Variants in COL5A2 observed in about 807,000 individuals in gnomAD.
COL5A2 encodes the protein collagen alpha-2(V) chain.
COL5A2 carries 23 observed loss-of-function variants against 208.2 expected under a neutral mutation model. That is an observed-to-expected ratio of 0.11 (90% confidence interval 0.08 to 0.16). COL5A2 has a LOEUF of 0.16. Ranked by LOEUF, COL5A2 falls within the 10% of genes least tolerant of loss-of-function variation. The pLI, the probability that COL5A2 is intolerant of heterozygous loss-of-function variation, is 1.00. For synonymous variants in COL5A2, 625 were observed against 628.5 expected (o/e 0.99, Z 0.08); for missense variants, 1,590 against 1,956.4 (o/e 0.81, Z 3.53).
the COL5A2 span, among the ~76,000 whole-genome samples, chr2:189,427,614 G>A: frequency 1.3e-5 from 2 of 152,308 alleles, no homozygotes; most frequent in East Asian, 3.9e-4. Flanking sequence ...CAGCCCATGA[G>A]AGCAGCCAGA....
In COL5A2 at chr2:189,058,904, ATTTT is replaced by A. The variant is rs5837121; in HGVS notation, c.2086-15_2086-12del. Reference sequence around the variant, plus strand: ...ATCTCCAGGAACACCCTATAAACACATTTTTTTTTTTTAATGGAACAAGAGCTTT... The same window carrying A: ...ATCTCCAGGAACACCCTATAAACACATTTTTTTTAATGGAACAAGAGCTTT... On this transcript the variant is annotated splice_polypyrimidine_tract_variant and intron_variant, in intron 31 of 53. Coordinates refer to ENST00000374866, the MANE Select transcript of COL5A2 (RefSeq NM_000393.5). 7.2e-6 allele frequency: 9 copies of A among 1,249,082 alleles called. No individual in the cohort carries two copies. Among genetic ancestry groups the A allele is most frequent in the Non-Finnish European group, 9.1e-6 (8 of 882,114 alleles). 77.4% of individuals were successfully genotyped at this position (1,249,082 alleles called of 1,614,324 possible). A position where few individuals can be genotyped will look rare whatever the true frequency, so the allele number is the denominator to read the frequency against.
At chr2:189,186,252 C>A (rs977816448) in intron 1 of COL5A2, among the ~76,000 whole-genome samples, 3 of 152,102 alleles carry the variant, frequency 2.0e-5, no homozygotes, top group African/African-American at 7.2e-5. Context: ...CTGCCTCAGC[C>A]TCCCAAAGTG....
chr2:189,207,610 T>C (rs1689157915), intron 1 of COL5A2, among the ~76,000 whole-genome samples: 1 of 152,188 alleles, frequency 6.6e-6, no homozygotes, highest in Non-Finnish European at 1.5e-5. Flanking sequence ...TACAATACAA[T>C]GAAATAAGTA....
intron 1 of COL5A2, among the ~76,000 whole-genome samples, chr2:189,161,549 A>G (rs1229454212): frequency 2.0e-5 from 3 of 152,230 alleles, no homozygotes; most frequent in Admixed American, 6.5e-5. Context: ...TTTAAGCTCA[A>G]TGCTATGTAT....
the COL5A2 span, among the ~76,000 whole-genome samples, chr2:189,333,163 AT>A: frequency 6.6e-6 from 1 of 151,976 alleles, no homozygotes; most frequent in South Asian, 2.1e-4. Context: ...AAAAGGAAGA[AT>A]AAATTAGAAC....
At chr2:189,083,946 T>C (rs1310882227) in intron 12 of COL5A2, 38 bp downstream of exon 12, 2 of 1,471,784 alleles carry the variant, frequency 1.4e-6, no homozygotes, top group Admixed American at 1.7e-5. Flanking sequence ...ATGTTCTTTA[T>C]TTTTCAAAGT....
chr2:189,327,251 T>C, the COL5A2 span, among the ~76,000 whole-genome samples: 1 of 152,154 alleles, frequency 6.6e-6, no homozygotes. Flanking sequence ...ACATAGGCTT[T>C]CTCCTTCCTC....
At chr2:189,054,910 G>A (rs1435441550) in intron 35 of COL5A2, among the ~76,000 whole-genome samples, 1 of 150,640 alleles carries the variant, frequency 6.6e-6, no homozygotes, top group African/African-American at 2.4e-5. Context: ...TTGAGACGGA[G>A]TCTCGCTCTG....
intron 1 of COL5A2, among the ~76,000 whole-genome samples, chr2:189,222,486 G>GT (rs1689359342): frequency 6.6e-6 from 1 of 152,144 alleles, no homozygotes; most frequent in Non-Finnish European, 1.5e-5. Flanking sequence ...TCAATGAAAA[G>GT]TATTTTCTAT....
chr2:189,041,832 A>T, intron 49 of COL5A2, 139 bp from the exon 50 acceptor site: 1 of 628,452 alleles, frequency 1.6e-6, no homozygotes, highest in Non-Finnish European at 2.8e-6. Context: ...TAATAAATGA[A>T]CTTCTGGTAC....
At chr2:189,113,436 A>G (rs1687322202) in intron 1 of COL5A2, among the ~76,000 whole-genome samples, 1 of 152,062 alleles carries the variant, frequency 6.6e-6, no homozygotes, top group Admixed American at 6.6e-5. Flanking sequence ...TGGACTCACA[A>G]AAAGAAAAGA....
At chr2:189,166,454 A>T (rs13005821) in intron 1 of COL5A2, among the ~76,000 whole-genome samples, 3 of 151,900 alleles carry the variant, frequency 2.0e-5, no homozygotes, top group Admixed American at 6.6e-5. Context: ...CAGCTGGCCA[A>T]GTTAGGTCAC....
the COL5A2 span, among the ~76,000 whole-genome samples, chr2:189,246,190 C>T: frequency 1.3e-5 from 2 of 152,032 alleles, no homozygotes; most frequent in African/African-American, 4.8e-5. Context: ...AAATTCAGTT[C>T]TCACCCAGAA....
In COL5A2 at chr2:189,064,144, T is replaced by C. The variant is rs527923193; in HGVS notation, c.1717-111A>G. ...TGTCAACTGAATAGAATGACATTTC[T>C]GTAAATCAAATAAATTTTTAAGTGA... is the stretch of plus-strand genomic sequence containing the variant. On this transcript the variant is annotated intron_variant, in intron 25 of 53. Coordinates refer to ENST00000374866, the MANE Select transcript of COL5A2 (RefSeq NM_000393.5). The C allele has an allele frequency of 7.1e-6, 6 of 847,846 alleles. No individual in the cohort carries two copies. In the Admixed American group the frequency reaches 1.4e-4, roughly 19 times the overall value. The allele number at this position is 847,846 out of a possible 1,614,324, so 52.5% of individuals were successfully genotyped here. A position where few individuals can be genotyped will look rare whatever the true frequency, so the allele number is the denominator to read the frequency against.
chr2:189,037,556 T>G (rs984339486), intron 51 of COL5A2, among the ~76,000 whole-genome samples: 3 of 152,204 alleles, frequency 2.0e-5, no homozygotes, highest in Non-Finnish European at 4.4e-5. Flanking sequence ...TTAACTTAAA[T>G]TCTTAGGCTC....
chr2:189,353,616 C>T, the COL5A2 span, among the ~76,000 whole-genome samples: 1 of 152,120 alleles, frequency 6.6e-6, no homozygotes, highest in Admixed American at 6.6e-5. Flanking sequence ...TATAGGAATG[C>T]TTGTGATTTC....
At chr2:189,141,134 G>T (rs1224492769) in intron 1 of COL5A2, among the ~76,000 whole-genome samples, 1 of 152,150 alleles carries the variant, frequency 6.6e-6, no homozygotes, top group African/African-American at 2.4e-5. Flanking sequence ...CAGAGATGGG[G>T]CTGGGCAATA....
chr2:189,296,121 A>T, the COL5A2 span, among the ~76,000 whole-genome samples: 1 of 152,198 alleles, frequency 6.6e-6, no homozygotes, highest in Non-Finnish European at 1.5e-5. Context: ...CTCCACAAGC[A>T]CTAAGGCTCA....
At chr2:189,329,909 G>GT in the COL5A2 span, among the ~76,000 whole-genome samples, 6,550 of 147,864 alleles carry the variant, frequency 0.044, 216 homozygotes, top group Non-Finnish European at 0.067. Context: ...AATAATGGTT[G>GT]TTTTTTTTTT....
Sources: allele counts gnomAD v4.1 joint callset (sites outside exome capture counted in the v4.1 genomes callset), GRCh38; gene constraint gnomAD v4.1.1; transcripts MANE v1.5; gene names NCBI Gene and HGNC (gene_info 2026-07-23, HGNC 2026-07-21).